KIRREL2: variants seen among roughly 807,000 people sequenced by gnomAD.
KIRREL2 encodes the protein kirre like nephrin family adhesion molecule 2.
In KIRREL2, 56 loss-of-function variants were observed where a neutral mutation model predicts 73.4. The ratio of observed to expected loss-of-function variants is 0.76; its 90% CI spans 0.62 to 0.95. The LOEUF (loss-of-function observed/expected upper bound fraction) is 0.95, where lower values mean the gene tolerates loss of function less well. Ranked by LOEUF, KIRREL2 falls within the 40% of genes least tolerant of loss-of-function variation. KIRREL2 has a pLI of 0.00. For missense variants in KIRREL2, 896 were observed against 935.0 expected (o/e 0.96, Z 0.54); for synonymous variants, 407 against 404.0 (o/e 1.01, Z -0.09).
rs147748520 is a variant in KIRREL2, at chr19:35,866,419, C to T, written c.2054C>T (p.Ala685Val). 1.7e-5 allele frequency: 28 copies of T among 1,606,802 alleles called. No individual in the cohort carries two copies. The African/African-American group carries it at 3.6e-4, about 21-fold the overall frequency. Reference protein sequence around the residue: ...KPTSFGPPDLAPGTPPFPYAA... With the variant: ...KPTSFGPPDLVPGTPPFPYAA... ...ACATCCTTTGGGCCCCCAGATCTGG[C>T]CCCCGGGACTCCCCCCTTCCCATAT... The change falls in exon 15 of 15, where the codon GCC becomes GTC. Residue 685 changes from alanine (A) to valine (V), a missense_variant. By Grantham distance (64) the Ala-to-Val change is moderately conservative (BLOSUM62 0). Transcript: ENST00000360202.
At chr19:35,860,851 C>G in intron 7 of KIRREL2, 58 bp from the exon 8 acceptor site, 1 of 1,610,342 alleles carries the variant, frequency 6.2e-7, no homozygotes, top group Admixed American at 1.7e-5. Context: ...GCTGGCTGAT[C>G]CCAGGTCAGT....
chr19:35,866,448 G>T lies in KIRREL2; in HGVS notation c.2083G>T (p.Ala695Ser). ...CGGGACTCCCCCCTTCCCATATGCT[G>T]CCTTCCCCACACCTAGCCACCCGCG... ...APGTPPFPYA[A>S]FPTPSHPRLQ... The change falls in exon 15 of 15, where the codon GCC becomes TCC. Residue 695 changes from alanine to serine, a missense_variant. Transcript: ENST00000360202. 1.9e-6 allele frequency: 3 copies of T among 1,606,194 alleles called. No individual in the cohort carries two copies. The highest frequency in any genetic ancestry group is 2.6e-6 in the Non-Finnish European group (3 of 1,173,778).
upstream of KIRREL2, among the ~76,000 whole-genome samples, chr19:35,853,234 G>C (rs1410606610): frequency 6.6e-6 from 1 of 152,216 alleles, no homozygotes; most frequent in Non-Finnish European, 1.5e-5. Context: ...GTGTGAGAGT[G>C]GGGAAGGTTA....
In KIRREL2 at chr19:35,861,942, G is replaced by C; in HGVS notation, c.1428G>C (p.Glu476Asp). 2 of 1,613,180 alleles carry C rather than the reference G, an allele frequency of 1.2e-6. No homozygotes were observed. The highest frequency in any genetic ancestry group is 1.7e-6 in the Non-Finnish European group (2 of 1,179,706). Residue 476 changes from glutamate (E) to aspartate (D), a missense_variant, in exon 11 of 15, where the codon GAG becomes GAC. Glu to Asp is a conservative substitution (Grantham distance 45, BLOSUM62 2). Coordinates refer to ENST00000360202, the MANE Select transcript of KIRREL2 (RefSeq NM_199180.4). ...ISVLHISGTQ[E>D]SDFSRSFNCS... ...TGCTACACATTTCGGGGACCCAGGA[G>C]TCTGACTTTAGCAGGAGCTTTAACT...
upstream of KIRREL2, among the ~76,000 whole-genome samples, chr19:35,855,085 G>A (rs1189027832): frequency 1.3e-5 from 2 of 152,100 alleles, no homozygotes; most frequent in Non-Finnish European, 2.9e-5. Context: ...TCTGGCCTCA[G>A]CCCCCAGCTT....
upstream of KIRREL2, among the ~76,000 whole-genome samples, chr19:35,852,312 C>G (rs1224306187): frequency 1.3e-5 from 2 of 150,746 alleles, no homozygotes; most frequent in African/African-American, 2.4e-5. Flanking sequence ...CTGTCTCTCT[C>G]TCTCTCTCTC....
At chr19:35,856,460 C>T (rs1280918772), upstream of KIRREL2, 5 of 156,634 alleles carry the variant, frequency 3.2e-5, no homozygotes, top group African/African-American at 9.7e-5. The surrounding 1 kb of genome is among the most constrained non-coding windows in gnomAD (Gnocchi z 5.9). Flanking sequence ...GTAGGGGTCC[C>T]AACTGTCCCC....
chr19:35,866,624 A>G lies in KIRREL2; in HGVS notation c.*132A>G. The G allele has an allele frequency of 7.4e-7, 1 of 1,348,846 alleles. No individual in the cohort carries two copies. The highest frequency in any genetic ancestry group is 1.0e-6 in the Non-Finnish European group (1 of 960,764). 83.6% of individuals were successfully genotyped at this position (1,348,846 alleles called of 1,614,324 possible). ...CACAAGGGGAGGGAAAGATCATTAC[A>G]TTTGTCAGGAGCATTTGTATACAGT... On this transcript the variant is annotated 3_prime_UTR_variant, in exon 15 of 15. Transcript: ENST00000360202.
At position 35,860,624 on chromosome 19, in the gene KIRREL2, C is replaced by T. The variant is rs372777217; in HGVS notation, c.885C>T (p.Asn295=). The T allele has an allele frequency of 1.0e-4, 167 of 1,603,502 alleles. No homozygotes were observed. The highest frequency in any genetic ancestry group is 1.3e-4 in the Non-Finnish European group (156 of 1,179,954). The change falls in exon 7 of 15, where the codon AAC becomes AAT. Residue 295 remains asparagine, a synonymous_variant. Transcript: ENST00000360202. ...AGCCCGTGTCCTGCGAGGTCAGCAA[C>T]GCCGTGGGTAGCGCCAACCGCAGTA... ...LTEPVSCEVS[N]AVGSANRSTA...
chr19:35,861,448 T>C, intron 9 of KIRREL2, 93 bp from the exon 10 acceptor site: 1 of 1,474,830 alleles, frequency 6.8e-7, no homozygotes, highest in East Asian at 2.3e-5. Flanking sequence ...TTGATTGAGG[T>C]TAGCGGAGAG....
At chr19:35,853,877 C>A (rs1170639531), upstream of KIRREL2, among the ~76,000 whole-genome samples, 1 of 120,012 alleles carries the variant, frequency 8.3e-6, no homozygotes, top group Non-Finnish European at 1.6e-5. Context: ...GGGAGTCTTG[C>A]TCTGTCACCC....
intron 4 of KIRREL2, 22 bp from the exon 5 acceptor site, chr19:35,859,459 T>C: frequency 6.2e-7 from 1 of 1,608,230 alleles, no homozygotes; most frequent in Non-Finnish European, 8.5e-7. Context: ...GATGGCATTA[T>C]TATTCTTATC....
intron 13 of KIRREL2, among the ~76,000 whole-genome samples, chr19:35,864,106 C>T (rs369102938): frequency 1.3e-5 from 2 of 151,938 alleles, no homozygotes; most frequent in East Asian, 3.9e-4. Context: ...GACCCCACAC[C>T]CAAATGTCAC....
At chr19:35,853,822 A>G (rs984533205), upstream of KIRREL2, among the ~76,000 whole-genome samples, 1 of 144,136 alleles carries the variant, frequency 6.9e-6, no homozygotes, top group African/African-American at 2.6e-5. Context: ...ACAGGCCCGC[A>G]TCACCACTCT....
At chr19:35,852,007 ATCTC>A (rs1218960259), upstream of KIRREL2, among the ~76,000 whole-genome samples, 4 of 149,898 alleles carry the variant, frequency 2.7e-5, no homozygotes, top group Non-Finnish European at 5.9e-5. Flanking sequence ...CCCTGTGAGT[ATCTC>A]TCTCTGTCTT....
intron 4 of KIRREL2, 26 bp downstream of exon 4, chr19:35,858,890 C>T (rs963310969): frequency 1.9e-6 from 3 of 1,612,246 alleles, no homozygotes; most frequent in Middle Eastern, 1.7e-4. Context: ...CTGTGCTAGC[C>T]TTTGCCCATT....
At chr19:35,859,699 A>T in intron 5 of KIRREL2, 68 bp downstream of exon 5, 3 of 1,562,358 alleles carry the variant, frequency 1.9e-6, no homozygotes, top group Non-Finnish European at 2.6e-6. Flanking sequence ...GAAGGAGGGG[A>T]CTGTGGCCCT....
At position 35,861,843 on chromosome 19, in the gene KIRREL2, G is replaced by T; in HGVS notation, c.1329G>T (p.Ser443=). The change falls in exon 11 of 15, where the codon TCG becomes TCT. Residue 443 remains serine, a synonymous_variant. Coordinates refer to ENST00000360202, the MANE Select transcript of KIRREL2 (RefSeq NM_199180.4). Reference sequence around the variant, plus strand: ...ATGAGGGCTTCCTGGAGGCGGGGTCGCAGGGCCGGTTCCTGGTGGAGACAT... The same window carrying T: ...ATGAGGGCTTCCTGGAGGCGGGGTCTCAGGGCCGGTTCCTGGTGGAGACAT... The part of the protein sequence containing the change: ...SWDEGFLEAG[S]QGRFLVETFP... 1 of 1,586,680 alleles carries T rather than the reference G, an allele frequency of 6.3e-7. No individual in the cohort carries two copies. The highest frequency in any genetic ancestry group is 1.8e-5 in the Admixed American group (1 of 54,642).
chr19:35,855,150 T>C (rs1349958125), upstream of KIRREL2, among the ~76,000 whole-genome samples: 2 of 151,950 alleles, frequency 1.3e-5, no homozygotes, highest in Non-Finnish European at 2.9e-5. Flanking sequence ...CTTGCCCTCC[T>C]CCCACCTCCC....
Sources: gnomAD v4.1 joint callset for allele counts (sites outside exome capture counted in the v4.1 genomes callset) on GRCh38, gnomAD v4.1.1 for gene constraint, Gnocchi (gnomAD v3.1) non-coding constraint, MANE v1.5 for transcripts, NCBI Gene and HGNC (gene_info 2026-07-23, HGNC 2026-07-21) for gene names.